FAM222B: variants seen among roughly 807,000 people sequenced by gnomAD.
FAM222B encodes family with sequence similarity 222 member B, also known as protein FAM222B.
Under a neutral mutation model 38.0 loss-of-function variants are expected in FAM222B, and 12 were observed. The ratio of observed to expected loss-of-function variants is 0.32; its 90% CI spans 0.20 to 0.51. The LOEUF (loss-of-function observed/expected upper bound fraction) is 0.51. FAM222B is among the 20% of genes least tolerant of loss of function. FAM222B has a pLI of 0.97. For synonymous variants in FAM222B, 329 were observed against 317.2 expected, an observed-to-expected ratio of 1.04 and a Z score of -0.40; for missense variants, 716 against 754.2, an observed-to-expected ratio of 0.95 and a Z score of 0.59.
intron 1 of FAM222B, among the ~76,000 whole-genome samples, chr17:28,831,892 GA>G (rs1266147295): frequency 6.6e-6 from 1 of 151,894 alleles, no homozygotes; most frequent in East Asian, 1.9e-4. Flanking sequence ...TTTACTTAAA[GA>G]AAAAAACAAT....
intron 1 of FAM222B, among the ~76,000 whole-genome samples, chr17:28,816,670 A>G (rs987676616): frequency 1.3e-5 from 2 of 152,230 alleles, no homozygotes; most frequent in Non-Finnish European, 2.9e-5. Context: ...ACCCGAAAAG[A>G]AGGCAAACAG....
rs187087691 is a variant in FAM222B at position 28,837,365 on chromosome 17, G to A, written c.-41+5317C>T. On this transcript the variant is annotated intron_variant, in intron 1 of 2. Coordinates refer to ENST00000581407, the MANE Select transcript of FAM222B (RefSeq NM_001077498.3). ...GAATGGCGTGAACCCGGGAGGCAGA[G>A]CTTGCAGTGAGCCGAGATCGAGCCA... Among the ~76,000 whole-genome samples, 491 of 151,424 alleles carry A rather than the reference G, an allele frequency of 3.2e-3. 2 individuals are homozygous for A. Among genetic ancestry groups the A allele is most frequent in the Middle Eastern group, 6.9e-3 (2 of 288 alleles).
intron 1 of FAM222B, among the ~76,000 whole-genome samples, chr17:28,797,183 A>G (rs2036982716): frequency 6.6e-6 from 1 of 151,654 alleles, no homozygotes; most frequent in African/African-American, 2.4e-5. Flanking sequence ...TTGTATTTTT[A>G]GTAGAGATGG....
chr17:28,850,587 C>T (rs577991653), intron 1 of FAM222B, among the ~76,000 whole-genome samples: 5 of 152,230 alleles, frequency 3.3e-5, no homozygotes, highest in East Asian at 1.9e-4. Flanking sequence ...CTTGAGCCAC[C>T]GCGCCCGGCC....
intron 1 of FAM222B, among the ~76,000 whole-genome samples, chr17:28,770,568 AATAT>A (rs1162216148): frequency 1.4e-5 from 2 of 140,214 alleles, no homozygotes; most frequent in Non-Finnish European, 3.1e-5. Flanking sequence ...ATGCCCAGCT[AATAT>A]TTTTTTTTTT....
At chr17:28,779,536 G>T (rs1248074457) in intron 1 of FAM222B, among the ~76,000 whole-genome samples, 2 of 152,090 alleles carry the variant, frequency 1.3e-5, no homozygotes, top group Non-Finnish European at 2.9e-5. Flanking sequence ...CGGATCATGA[G>T]ATCAGGAGAT....
In FAM222B at chr17:28,822,850, T is replaced by C. The variant is rs1415947734; in HGVS notation, c.-41+19832A>G. Among the ~76,000 whole-genome samples the C allele has an allele frequency of 2.5e-4, 24 of 94,998 alleles. 1 individual carries two copies. Among genetic ancestry groups the C allele is most frequent in the Admixed American group, 2.2e-3 (16 of 7,204 alleles). The allele number at this position is 94,998 out of a possible 152,430, so 62.3% of individuals were successfully genotyped here. On this transcript the variant is annotated intron_variant, in intron 1 of 2. Coordinates refer to ENST00000581407, the MANE Select transcript of FAM222B (RefSeq NM_001077498.3). ...AAAAAAAAATATATATATATATATA[T>C]ATATATATATATATACACACATATA...
chr17:28,824,401 G>A (rs540012172), intron 1 of FAM222B, among the ~76,000 whole-genome samples: 6 of 151,440 alleles, frequency 4.0e-5, no homozygotes, highest in East Asian at 1.9e-4. Flanking sequence ...GCCGAGGCTC[G>A]TCTGAAACTC....
At chr17:28,801,677 G>C (rs982549565) in intron 1 of FAM222B, among the ~76,000 whole-genome samples, 1 of 152,030 alleles carries the variant, frequency 6.6e-6, no homozygotes, top group Non-Finnish European at 1.5e-5. Flanking sequence ...GGGTAAGGCA[G>C]AGGGTCCATA....
chr17:28,805,320 A>C (rs779929217), intron 1 of FAM222B, among the ~76,000 whole-genome samples: 18 of 152,220 alleles, frequency 1.2e-4, no homozygotes, highest in Non-Finnish European at 2.1e-4. Context: ...AGATCACTTG[A>C]GGCCAGAAGT....
intron 1 of FAM222B, among the ~76,000 whole-genome samples, chr17:28,836,522 C>A (rs1240812636): frequency 6.6e-6 from 1 of 151,960 alleles, no homozygotes; most frequent in Non-Finnish European, 1.5e-5. Flanking sequence ...CTCCAACAAC[C>A]GAGCTCCCCA....
rs2034969752 is a variant in FAM222B, at chr17:28,759,697, A to G, written c.262T>C (p.Tyr88His). The part of the protein sequence containing the change: ...VNGLDTSAQR[Y>H]SPYPTQAATK... ...GCAGCCTGTGTCGGGTAGGGGCTGT[A>G]GCGCTGGGCTGATGTGTCGAGGCCG... The change falls in exon 3 of 3, where the codon TAC becomes CAC. Residue 88 changes from tyrosine (Y) to histidine (H), a missense_variant. By Grantham distance (83) the Tyr-to-His change is moderately conservative. Transcript: ENST00000581407. The surrounding 1 kb of genome is among the most constrained non-coding windows in gnomAD (Gnocchi z 4.8). The G allele has an allele frequency of 6.2e-7, 1 of 1,613,686 alleles. No individual in the cohort carries two copies. The highest frequency in any genetic ancestry group is 8.5e-7 in the Non-Finnish European group (1 of 1,179,780).
At chr17:28,794,977 C>T (rs1464701189) in intron 1 of FAM222B, among the ~76,000 whole-genome samples, 1 of 151,838 alleles carries the variant, frequency 6.6e-6, no homozygotes, top group African/African-American at 2.4e-5. Context: ...CCTGTAATCC[C>T]AGGTACTTGG....
chr17:28,761,684 CAG>C (rs1294920415), intron 2 of FAM222B, among the ~76,000 whole-genome samples: 1 of 152,102 alleles, frequency 6.6e-6, no homozygotes, highest in African/African-American at 2.4e-5. Flanking sequence ...TCAGGAGGGG[CAG>C]AGAGATTTGG....
intron 1 of FAM222B, among the ~76,000 whole-genome samples, chr17:28,814,446 A>G (rs2037936605): frequency 6.6e-6 from 1 of 152,132 alleles, no homozygotes; most frequent in Admixed American, 6.6e-5. Context: ...GAGCTGTATG[A>G]CATGCCTGTT....
chr17:28,835,024 TTGTGTG>T (rs61229770), intron 1 of FAM222B, among the ~76,000 whole-genome samples: 51,225 of 131,844 alleles, frequency 0.39, 10,324 homozygotes, highest in East Asian at 0.53. Context: ...TCAGCTAATT[TTGTGTG>T]TGTGTGTGTG....
chr17:28,775,235 G>A lies in FAM222B; in HGVS notation c.-40-8528C>T, dbSNP rs542150213. Among the ~76,000 whole-genome samples, 16 of 151,376 alleles carry A rather than the reference G, an allele frequency of 1.1e-4. No individual in the cohort carries two copies. The South Asian group carries it at 1.7e-3, about 16-fold the overall frequency. On this transcript the variant is annotated intron_variant, in intron 1 of 2. Transcript: ENST00000581407. ...AGGCTGGTCTCCAACTCCCCACCTC[G>A]GCCTCCCAAGGTGCTGGGATTACAG... is the stretch of plus-strand genomic sequence containing the variant.
At chr17:28,822,132 C>T (rs1015019408) in intron 1 of FAM222B, among the ~76,000 whole-genome samples, 3 of 150,502 alleles carry the variant, frequency 2.0e-5, no homozygotes. Flanking sequence ...AGCGATTCTC[C>T]TGCCTCAGTC....
rs1567777554 is a variant in FAM222B at position 28,757,740 on chromosome 17, G to A, written c.*530C>T. ...AAACAAAGCCTTGAGGAATGGAAAG[G>A]AACTTGAAGGATATGAAGACTGGGT... On this transcript the variant is annotated 3_prime_UTR_variant, in exon 3 of 3. Coordinates refer to ENST00000581407, the MANE Select transcript of FAM222B (RefSeq NM_001077498.3). The A allele has an allele frequency of 6.5e-6, 1 of 153,164 alleles. No homozygotes were observed. Among genetic ancestry groups the A allele is most frequent in the East Asian group, 1.9e-4 (1 of 5,192 alleles). The allele number at this position is 153,164 out of a possible 1,614,324, so 9.5% of individuals were successfully genotyped here.
Sources: allele counts gnomAD v4.1 joint callset (sites outside exome capture counted in the v4.1 genomes callset), GRCh38; gene constraint gnomAD v4.1.1; non-coding constraint Gnocchi (gnomAD v3.1); transcripts MANE v1.5; gene names NCBI Gene and HGNC (gene_info 2026-07-23, HGNC 2026-07-21).